TMEFF2: variants seen among roughly 807,000 people sequenced by gnomAD.
TMEFF2 encodes the protein transmembrane protein with EGF like and two follistatin like domains 2, also known as tomoregulin-2.
In TMEFF2, 28 loss-of-function variants were observed where a neutral mutation model predicts 53.8. That is an observed-to-expected ratio of 0.52 (90% confidence interval 0.39 to 0.71). TMEFF2 has a LOEUF of 0.71. Among genes scored for constraint, TMEFF2 ranks in the 30% least tolerant of loss-of-function variants. The pLI, the probability that TMEFF2 is intolerant of heterozygous loss-of-function variation, is 0.00. For synonymous variants in TMEFF2, 162 were observed against 166.3 expected, an observed-to-expected ratio of 0.97 and a Z score of 0.20; for missense variants, 353 against 455.2, an observed-to-expected ratio of 0.78 and a Z score of 2.04.
chr2:192,187,727 T>C (rs991577596), intron 2 of TMEFF2, among the ~76,000 whole-genome samples: 10 of 152,236 alleles, frequency 6.6e-5, no homozygotes, highest in African/African-American at 1.9e-4. Flanking sequence ...ATCTTATGTT[T>C]ATTTTCCAAA....
rs768548812 is a variant in TMEFF2, at chr2:192,179,930, C to T, written c.413-236G>A. 4.6e-5 allele frequency among the ~76,000 whole-genome samples: 7 copies of T among 151,386 alleles called. No homozygotes were observed. The South Asian group carries it at 1.0e-3, about 22-fold the overall frequency. ...GAGCTTTACGAAAACATTATTGCCC[C>T]GTTTGGAAAATTTCCTAATCTCGGC... On this transcript the variant is annotated intron_variant, in intron 3 of 9. Coordinates refer to ENST00000272771, the MANE Select transcript of TMEFF2 (RefSeq NM_016192.4).
intron 4 of TMEFF2, among the ~76,000 whole-genome samples, chr2:192,153,001 G>T (rs536086701): frequency 2.0e-5 from 3 of 151,538 alleles, no homozygotes; most frequent in Admixed American, 2.0e-4. Flanking sequence ...AGTTAATTTG[G>T]TGTATAATTT....
intron 5 of TMEFF2, among the ~76,000 whole-genome samples, chr2:192,025,168 G>A (rs1383605772): frequency 6.6e-6 from 1 of 152,150 alleles, no homozygotes; most frequent in Non-Finnish European, 1.5e-5. Context: ...GTGATGGACA[G>A]AGTGCCTATG....
Position 191,950,042 on chromosome 2 carries a change from TATATATAACAA to T in TMEFF2, c.*258_*268del. On this transcript the variant is annotated 3_prime_UTR_variant, in exon 10 of 10. Coordinates refer to ENST00000272771, the MANE Select transcript of TMEFF2 (RefSeq NM_016192.4). ...TTTTTTCTCATCACTGAGTATTTAT[TATATATAACAA>T]ATACATGGGAAAGAAAAAACTATAT... 1.7e-6 allele frequency: 2 copies of T among 1,158,736 alleles called. No homozygotes were observed. Among genetic ancestry groups the T allele is most frequent in the South Asian group, 2.5e-5 (1 of 40,718 alleles). 71.8% of individuals were successfully genotyped at this position (1,158,736 alleles called of 1,614,324 possible). A position where few individuals can be genotyped will look rare whatever the true frequency, so the allele number is the denominator to read the frequency against.
At chr2:192,189,310 G>A (rs1013487575) in intron 2 of TMEFF2, among the ~76,000 whole-genome samples, 2 of 152,092 alleles carry the variant, frequency 1.3e-5, no homozygotes, top group Middle Eastern at 3.4e-3. Context: ...TTGGGAGACC[G>A]AGGCGGGTGG....
intron 7 of TMEFF2, among the ~76,000 whole-genome samples, chr2:191,963,939 A>AT (rs1312583993): frequency 6.6e-6 from 1 of 152,066 alleles, no homozygotes; most frequent in Non-Finnish European, 1.5e-5. Context: ...TAAAATTTCC[A>AT]TTTTTTTATA....
At chr2:192,026,214 C>A (rs1028541054) in intron 5 of TMEFF2, among the ~76,000 whole-genome samples, 3 of 152,098 alleles carry the variant, frequency 2.0e-5, no homozygotes, top group Non-Finnish European at 4.4e-5. Flanking sequence ...ACTAAACAGG[C>A]CACCAGTCAC....
chr2:192,179,628 C>T (rs377420830), intron 4 of TMEFF2, 40 bp downstream of exon 4: 3 of 1,539,998 alleles, frequency 1.9e-6, no homozygotes, highest in African/African-American at 2.8e-5. Context: ...TAATAATATC[C>T]ACCAGTAAAT....
At chr2:192,004,072 T>C (rs538939297) in intron 5 of TMEFF2, among the ~76,000 whole-genome samples, 20 of 152,296 alleles carry the variant, frequency 1.3e-4, no homozygotes, top group African/African-American at 4.3e-4. Context: ...CCTAGTACAG[T>C]GCATTACAAA....
At chr2:192,082,951 TAG>T (rs1161293993) in intron 4 of TMEFF2, among the ~76,000 whole-genome samples, 4 of 117,128 alleles carry the variant, frequency 3.4e-5, no homozygotes, top group Admixed American at 1.1e-4. Flanking sequence ...ACAAGATTTT[TAG>T]AGAGTTGATT....
intron 4 of TMEFF2, among the ~76,000 whole-genome samples, chr2:192,119,365 TTTTG>T (rs1689493236): frequency 6.6e-6 from 1 of 152,180 alleles, no homozygotes; most frequent in South Asian, 2.1e-4. Context: ...TGTAATAAGA[TTTTG>T]TTTCTTACAT....
At chr2:191,984,065 T>C (rs138414424) in intron 7 of TMEFF2, among the ~76,000 whole-genome samples, 25 of 152,308 alleles carry the variant, frequency 1.6e-4, no homozygotes, top group African/African-American at 4.8e-4. Flanking sequence ...AAATATTATG[T>C]TAATTAAAGG....
chr2:192,180,194 T>C (rs1691151954), intron 3 of TMEFF2, among the ~76,000 whole-genome samples: 1 of 151,654 alleles, frequency 6.6e-6, no homozygotes, highest in Admixed American at 6.6e-5. Flanking sequence ...ATACCACAAT[T>C]GTGGATGATT....
At chr2:192,183,097 C>T (rs1308332640) in intron 3 of TMEFF2, among the ~76,000 whole-genome samples, 1 of 151,964 alleles carries the variant, frequency 6.6e-6, no homozygotes, top group East Asian at 1.9e-4. Flanking sequence ...TGCCTCCTGA[C>T]CACCCTTTCA....
chr2:192,104,206 TCTGA>T (rs1176005833), intron 4 of TMEFF2, among the ~76,000 whole-genome samples: 5 of 152,122 alleles, frequency 3.3e-5, no homozygotes, highest in African/African-American at 1.2e-4. Context: ...ATAGGTAGCT[TCTGA>T]CAGGATTTGC....
Position 192,039,518 on chromosome 2 carries a change from T to C in TMEFF2, c.536+18161A>G, listed in dbSNP as rs986025219. On this transcript the variant is annotated intron_variant, in intron 5 of 9. Transcript: ENST00000272771. Reference sequence around the variant, plus strand: ...AATGTTTTCCAATCTGTGCAACTTATATAACAGCAATTTCTTTTATTCTTA... The same window carrying C: ...AATGTTTTCCAATCTGTGCAACTTACATAACAGCAATTTCTTTTATTCTTA... 2.6e-5 allele frequency among the ~76,000 whole-genome samples: 4 copies of C among 152,242 alleles called. No homozygotes were observed. The South Asian group carries it at 6.2e-4, about 24-fold the overall frequency.
At chr2:192,058,777 C>T (rs4853489) in intron 4 of TMEFF2, among the ~76,000 whole-genome samples, 2 of 152,000 alleles carry the variant, frequency 1.3e-5, no homozygotes, top group Non-Finnish European at 2.9e-5. Flanking sequence ...ATGTTTAAAT[C>T]AAGGGAACCT....
At chr2:191,950,584 C>A in intron 9 of TMEFF2, 177 bp from the exon 10 acceptor site, 1 of 932,458 alleles carries the variant, frequency 1.1e-6, no homozygotes, top group Non-Finnish European at 1.7e-6. Flanking sequence ...CTTTTCTGTG[C>A]AGTTGTCTTT....
chr2:192,177,701 G>C (rs997257659), intron 4 of TMEFF2: 11 of 150,904 alleles, frequency 7.3e-5, no homozygotes, highest in African/African-American at 2.7e-4. Flanking sequence ...AACAGAAAAA[G>C]AGAAAGAAAA....
Sources: gnomAD v4.1 joint callset for allele counts (sites outside exome capture counted in the v4.1 genomes callset) on GRCh38, gnomAD v4.1.1 for gene constraint, MANE v1.5 for transcripts, NCBI Gene and HGNC (gene_info 2026-07-23, HGNC 2026-07-21) for gene names.